Variants in ALLC observed in about 807,000 individuals in gnomAD.
ALLC encodes the protein allantoicase, also known as probable inactive allantoicase.
A neutral mutation model predicts 45.0 loss-of-function variants in ALLC; 40 were observed. The observed-to-expected ratio is 0.89, with a 90% CI of 0.69 to 1.16. The LOEUF (loss-of-function observed/expected upper bound fraction) is 1.16, where lower values mean the gene tolerates loss of function less well. ALLC is among the 50% of genes most tolerant of loss of function. The probability of loss-of-function intolerance (pLI) is 0.00; values close to 1 mark genes in which losing one functional copy is unlikely to be tolerated. For missense variants in ALLC, 488 were observed against 493.1 expected, an observed-to-expected ratio of 0.99 and a Z score of 0.10; for synonymous variants, 176 against 178.1, an observed-to-expected ratio of 0.99 and a Z score of 0.09.
In ALLC at chr2:3,695,798, T is replaced by TA. The variant is rs764013992; in HGVS notation, c.594dup (p.Val199SerfsTer13). 4.3e-6 allele frequency: 7 copies of TA among 1,613,890 alleles called. No individual in the cohort carries two copies. In the Admixed American group the frequency reaches 1.0e-4, roughly 23 times the overall value. ...ACTGACCCCAAAGAACCTGCAGACC[T>TA]AGTGGCCATCGCTTTTGGGGGTGTC... is the stretch of plus-strand genomic sequence containing the variant. On this transcript the variant is annotated frameshift_variant, in exon 8 of 12. Coordinates refer to ENST00000252505, the MANE Select transcript of ALLC (RefSeq NM_018436.4). LOFTEE classifies it high-confidence loss of function.
At chr2:3,699,832 CT>C (rs1301416028) in intron 10 of ALLC, among the ~76,000 whole-genome samples, 1 of 152,130 alleles carries the variant, frequency 6.6e-6, no homozygotes, top group Non-Finnish European at 1.5e-5. Context: ...CCTTGGCCAA[CT>C]TTTTAATGGG....
intron 9 of ALLC, among the ~76,000 whole-genome samples, chr2:3,697,074 C>G (rs1236416683): frequency 6.6e-6 from 1 of 152,088 alleles, no homozygotes; most frequent in East Asian, 1.9e-4. Flanking sequence ...GATTGCTGCA[C>G]GTATAACATT....
At chr2:3,675,505 AT>A (rs1379023077) in intron 3 of ALLC, among the ~76,000 whole-genome samples, 1 of 152,008 alleles carries the variant, frequency 6.6e-6, no homozygotes, top group African/African-American at 2.4e-5. Flanking sequence ...AGATGTGATT[AT>A]CTGTGAAGAG....
chr2:3,664,891 A>AC (rs1666664768), intron 1 of ALLC, among the ~76,000 whole-genome samples: 1 of 151,676 alleles, frequency 6.6e-6, no homozygotes, highest in African/African-American at 2.4e-5. Flanking sequence ...CTCCAAAAAA[A>AC]AAAACAAAAC....
Position 3,671,126 on chromosome 2 carries a change from G to C in ALLC, c.-32G>C. 2 of 1,607,220 alleles carry C rather than the reference G, an allele frequency of 1.2e-6. No individual in the cohort carries two copies. The highest frequency in any genetic ancestry group is 1.7e-6 in the Non-Finnish European group (2 of 1,176,980). On this transcript the variant is annotated 5_prime_UTR_variant, in exon 2 of 12. Coordinates refer to ENST00000252505, the MANE Select transcript of ALLC (RefSeq NM_018436.4). ...ACGGCTGATGCTCCGAAGGAGGGAA[G>C]ACTGACCCGGTTTCTGGACTTCACC...
rs766517945 is a variant in ALLC, at chr2:3,695,719, G to C, written c.514G>C (p.Gly172Arg). ...THIRLNIFPD[G>R]GIARLRVFGT... ...ACTAAGGCACCTTTCCTTTTCAGAT[G>C]GTGGAATTGCACGACTTAGAGTATT... Residue 172 changes from glycine to arginine, a missense_variant and splice_region_variant, in exon 8 of 12, where the codon GGT becomes CGT. Transcript: ENST00000252505. The C allele has an allele frequency of 6.2e-7, 1 of 1,613,974 alleles. No homozygotes were observed. The highest frequency in any genetic ancestry group is 1.7e-5 in the Admixed American group (1 of 60,024).
At position 3,672,215 on chromosome 2, in the gene ALLC, T is replaced by C. The variant is rs1454849147; in HGVS notation, c.33+1025T>C. Among the ~76,000 whole-genome samples, 58 of 70,808 alleles carry C rather than the reference T, an allele frequency of 8.2e-4. 1 individual carries two copies. The highest frequency in any genetic ancestry group is 0.011 in the Middle Eastern group (1 of 94). The allele number at this position is 70,808 out of a possible 152,430, so 46.5% of individuals were successfully genotyped here. On this transcript the variant is annotated intron_variant, in intron 2 of 11. Coordinates refer to ENST00000252505, the MANE Select transcript of ALLC (RefSeq NM_018436.4). ...TCTGATTAGATGGGAGGTCCTCTGG[T>C]TCTGGTTAGATAGGAGGTCCTCTGG...
rs949833678 is a variant in ALLC at position 3,681,711 on chromosome 2, G to C, written c.376G>C (p.Glu126Gln). The C allele has an allele frequency of 6.2e-7, 1 of 1,606,986 alleles. No homozygotes were observed. Reference protein sequence around the residue: ...ATPEEFEAIAELKSDDWSYLV... With the variant: ...ATPEEFEAIAQLKSDDWSYLV... Reference sequence around the variant, plus strand: ...TCCTGAGGAGTTTGAAGCCATTGCTGAGGTACATCTCCCCCAAATGAATTG... The same window carrying C: ...TCCTGAGGAGTTTGAAGCCATTGCTCAGGTACATCTCCCCCAAATGAATTG... Residue 126 changes from glutamate to glutamine, a missense_variant and splice_region_variant, in exon 6 of 12, where the codon GAG becomes CAG. Glu to Gln is a conservative substitution (Grantham distance 29, BLOSUM62 2). Transcript: ENST00000252505.
In ALLC at chr2:3,683,064, C is replaced by T; in HGVS notation, c.501C>T (p.Asn167=). 2 of 1,613,438 alleles carry T rather than the reference C, an allele frequency of 1.2e-6. No individual in the cohort carries two copies. The highest frequency in any genetic ancestry group is 1.3e-5 in the African/African-American group (1 of 75,028). The change falls in exon 7 of 12, where the codon AAC becomes AAT. Residue 167 remains asparagine (N), a synonymous_variant. Transcript: ENST00000252505. ...SQQRWTHIRL[N]IFPDGGIARL... ...AGAGATGGACTCATATCAGACTCAA[C>T]ATTTTCCCAGGTAATCGTGACATGG...
upstream of ALLC, among the ~76,000 whole-genome samples, chr2:3,657,069 G>T (rs1666459899): frequency 6.6e-6 from 1 of 152,210 alleles, no homozygotes; most frequent in Non-Finnish European, 1.5e-5. Flanking sequence ...AATACAGTCA[G>T]CTATGGAAGG....
the ALLC span, among the ~76,000 whole-genome samples, chr2:3,651,126 A>C: frequency 6.6e-6 from 1 of 151,304 alleles, no homozygotes; most frequent in Non-Finnish European, 1.5e-5. Context: ...GCTGAGATGG[A>C]TGAGCGCAGA....
intron 7 of ALLC, chr2:3,688,202 C>A: frequency 5.9e-6 from 1 of 170,830 alleles, no homozygotes; most frequent in Non-Finnish European, 1.2e-5. Context: ...CCAATGCCTG[C>A]TTCACCGCCT....
chr2:3,670,657 C>T (rs1438195072), intron 1 of ALLC, among the ~76,000 whole-genome samples: 4 of 152,108 alleles, frequency 2.6e-5, no homozygotes, highest in Non-Finnish European at 4.4e-5. Context: ...TTCTTGTGGG[C>T]GGGTGGGCTC....
chr2:3,697,294 G>C, intron 9 of ALLC, 54 bp from the exon 10 acceptor site: 1 of 1,435,980 alleles, frequency 7.0e-7, no homozygotes, highest in Non-Finnish European at 9.8e-7. Context: ...TTCGGGACTG[G>C]TTTCTTGAAT....
chr2:3,672,462 G>A (rs111289436), intron 2 of ALLC, among the ~76,000 whole-genome samples: 2 of 136,598 alleles, frequency 1.5e-5, no homozygotes, highest in African/African-American at 2.9e-5. Context: ...TGGTTAGATC[G>A]GAGGTCCTCT....
chr2:3,698,675 T>C (rs1667744864), intron 10 of ALLC, among the ~76,000 whole-genome samples: 1 of 152,242 alleles, frequency 6.6e-6, no homozygotes. Context: ...TTATAAATAC[T>C]GGATTGAGTA....
At chr2:3,649,892 T>C in the ALLC span, among the ~76,000 whole-genome samples, 1 of 152,266 alleles carries the variant, frequency 6.6e-6, no homozygotes, top group Non-Finnish European at 1.5e-5. Flanking sequence ...ATTCAGTGTT[T>C]TTCCTCATCA....
intron 2 of ALLC, 80 bp downstream of exon 2, chr2:3,671,270 T>C: frequency 7.3e-6 from 11 of 1,503,616 alleles, no homozygotes; most frequent in Non-Finnish European, 1.0e-5. Context: ...GAGAACCTCA[T>C]GCAAGAATCA....
rs773200935 is a variant in ALLC, at chr2:3,683,094, A to G, written c.511+20A>G. The G allele has an allele frequency of 3.5e-5, 56 of 1,606,202 alleles. No homozygotes were observed. The highest frequency in any genetic ancestry group is 4.2e-5 in the Non-Finnish European group (50 of 1,176,898). ...TCCCAGGTAATCGTGACATGGACTTATCACCAGTTCCATGGCTTCTTTATT... is the reference window on the plus strand; with the variant it reads ...TCCCAGGTAATCGTGACATGGACTTGTCACCAGTTCCATGGCTTCTTTATT... On this transcript the variant is annotated intron_variant, in intron 7 of 11. Transcript: ENST00000252505.
Sources: gnomAD v4.1 joint callset for allele counts (sites outside exome capture counted in the v4.1 genomes callset) on GRCh38, gnomAD v4.1.1 for gene constraint, MANE v1.5 for transcripts, NCBI Gene and HGNC (gene_info 2026-07-23, HGNC 2026-07-21) for gene names.